The following DENND1A variants were observed in gnomAD, a reference collection of about 807,000 sequenced individuals.
DENND1A encodes DENN domain-containing protein 1A.
Under a neutral mutation model 113.7 loss-of-function variants are expected in DENND1A, and 51 were observed. The observed-to-expected ratio is 0.45, with a 90% CI of 0.36 to 0.57. The LOEUF is 0.57. Ranked by LOEUF, DENND1A falls within the 20% of genes least tolerant of loss-of-function variation. The pLI is 0.00. For synonymous variants in DENND1A, 565 were observed against 570.8 expected (o/e 0.99, Z 0.14); for missense variants, 1,258 against 1,395.9 (o/e 0.90, Z 1.57).
intron 9 of DENND1A, among the ~76,000 whole-genome samples, chr9:123,648,779 G>A (rs770185654): frequency 5.9e-5 from 9 of 152,018 alleles, no homozygotes; most frequent in Non-Finnish European, 1.3e-4. Context: ...TCACATTTAA[G>A]TTCTTGATCC....
At chr9:123,929,022 G>A (rs1588303288) in intron 1 of DENND1A, 2 of 564,784 alleles carry the variant, frequency 3.5e-6, no homozygotes, top group Non-Finnish European at 2.2e-6. Context: ...GGAAGGGAGA[G>A]GCCACAAGAG....
chr9:123,650,898 C>A (rs910189019), intron 9 of DENND1A, among the ~76,000 whole-genome samples: 1 of 108,170 alleles, frequency 9.2e-6, no homozygotes, highest in African/African-American at 4.1e-5. Context: ...CAGAGTAAGA[C>A]TCTGTCTCAA....
At chr9:123,657,711 C>G (rs1449337793) in intron 8 of DENND1A, among the ~76,000 whole-genome samples, 1 of 151,980 alleles carries the variant, frequency 6.6e-6, no homozygotes, top group Non-Finnish European at 1.5e-5. Flanking sequence ...TGAAATAACT[C>G]CTATTCAAAT....
At chr9:123,853,346 C>T (rs1462280135) in intron 2 of DENND1A, among the ~76,000 whole-genome samples, 1 of 151,872 alleles carries the variant, frequency 6.6e-6, no homozygotes, top group Non-Finnish European at 1.5e-5. Context: ...TTTGTAAAAA[C>T]CCCTTAAATT....
At chr9:123,717,597 CTCAAA>C (rs1371263389) in intron 5 of DENND1A, among the ~76,000 whole-genome samples, 1 of 152,136 alleles carries the variant, frequency 6.6e-6, no homozygotes, top group African/African-American at 2.4e-5. Flanking sequence ...CTACACAAGT[CTCAAA>C]TCATTTTAGC....
intron 12 of DENND1A, among the ~76,000 whole-genome samples, chr9:123,578,441 G>A (rs761661670): frequency 6.6e-5 from 10 of 152,152 alleles, no homozygotes; most frequent in South Asian, 2.1e-4. Flanking sequence ...GAGCAGTGGC[G>A]CAATCACAGC....
chr9:123,680,693 TG>T (rs1250482848), intron 5 of DENND1A, among the ~76,000 whole-genome samples: 1 of 152,240 alleles, frequency 6.6e-6, no homozygotes, highest in Non-Finnish European at 1.5e-5. Context: ...TACACGTGGA[TG>T]ACTGGCCTTG....
chr9:123,848,478 T>A (rs971928628), intron 2 of DENND1A, among the ~76,000 whole-genome samples: 1 of 152,160 alleles, frequency 6.6e-6, no homozygotes, highest in Non-Finnish European at 1.5e-5. Flanking sequence ...AATGTGTGTG[T>A]GTTCTGACTG....
intron 1 of DENND1A, chr9:123,928,587 T>A: frequency 1.0e-6 from 1 of 985,456 alleles, no homozygotes. Context: ...CTCTTCCATT[T>A]TCATTACCAT....
At chr9:123,500,852 T>C (rs1296546814) in intron 13 of DENND1A, among the ~76,000 whole-genome samples, 1 of 152,230 alleles carries the variant, frequency 6.6e-6, no homozygotes, top group Admixed American at 6.5e-5. Flanking sequence ...TGGGCTCAAC[T>C]TAGCTCAGAG....
At chr9:123,446,798 G>A (rs2047339300) in intron 18 of DENND1A, among the ~76,000 whole-genome samples, 1 of 151,940 alleles carries the variant, frequency 6.6e-6, no homozygotes. Context: ...GTGAGACCCT[G>A]TTTCAAAACA....
chr9:123,756,524 C>A (rs1018200032), intron 5 of DENND1A, among the ~76,000 whole-genome samples: 2 of 152,198 alleles, frequency 1.3e-5, no homozygotes, highest in Non-Finnish European at 2.9e-5. Context: ...CAGCCTCCTT[C>A]CTAAAGCCTC....
At chr9:123,427,682 T>C (rs569206893) in intron 19 of DENND1A, among the ~76,000 whole-genome samples, 108 of 152,290 alleles carry the variant, frequency 7.1e-4, no homozygotes, top group African/African-American at 2.2e-3. Context: ...TCTGTGCACA[T>C]TGTCAACTTG....
intron 9 of DENND1A, among the ~76,000 whole-genome samples, chr9:123,648,664 T>C (rs1229210895): frequency 6.6e-6 from 1 of 152,264 alleles, no homozygotes; most frequent in Non-Finnish European, 1.5e-5. Flanking sequence ...TATTTTCTTT[T>C]ATACAATGTA....
intron 12 of DENND1A, among the ~76,000 whole-genome samples, chr9:123,581,392 G>A (rs2058886332): frequency 6.6e-6 from 1 of 152,172 alleles, no homozygotes; most frequent in African/African-American, 2.4e-5. Flanking sequence ...CCAGCACTTA[G>A]GGAGGCTGAG....
At chr9:123,707,240 C>A (rs566043611) in intron 5 of DENND1A, among the ~76,000 whole-genome samples, 1 of 151,828 alleles carries the variant, frequency 6.6e-6, no homozygotes, top group African/African-American at 2.4e-5. Flanking sequence ...ACTAAAAATA[C>A]AAAATTAGCC....
In DENND1A at chr9:123,379,754, G is replaced by GAGC. The variant is rs2042182815; in HGVS notation, c.*1675_*1677dup. Reference sequence around the variant, plus strand: ...AGGCAGCAGTGCTCATGTGAACATGGAGCGCTCACCCCAGCCCCTCAGCAC... The same window carrying GAGC: ...AGGCAGCAGTGCTCATGTGAACATGGAGCAGCGCTCACCCCAGCCCCTCAGCAC... On this transcript the variant is annotated 3_prime_UTR_variant, in exon 24 of 24. Transcript: ENST00000394215. The GAGC allele has an allele frequency of 6.6e-6, 1 of 152,302 alleles. No homozygotes were observed. The highest frequency in any genetic ancestry group is 1.5e-5 in the Non-Finnish European group (1 of 68,084). 9.4% of individuals were successfully genotyped at this position (152,302 alleles called of 1,614,324 possible).
chr9:123,753,202 C>A (rs2070210986), intron 5 of DENND1A, among the ~76,000 whole-genome samples: 1 of 152,196 alleles, frequency 6.6e-6, no homozygotes. Flanking sequence ...AGTTCCCAGA[C>A]TAGCTGGGAA....
intron 20 of DENND1A, among the ~76,000 whole-genome samples, chr9:123,408,212 G>T (rs1461705494): frequency 6.6e-6 from 1 of 152,178 alleles, no homozygotes; most frequent in African/African-American, 2.4e-5. Flanking sequence ...ATGGGAGCTT[G>T]GTAGGCTGTT....
Sources: gnomAD v4.1 joint callset for allele counts (sites outside exome capture counted in the v4.1 genomes callset) on GRCh38, gnomAD v4.1.1 for gene constraint, MANE v1.5 for transcripts, NCBI Gene and HGNC (gene_info 2026-07-23, HGNC 2026-07-21) for gene names.